IL1RAPL1: variants seen among roughly 807,000 people sequenced by gnomAD.
The protein encoded by IL1RAPL1 is interleukin 1 receptor accessory protein like 1, also known as interleukin-1 receptor accessory protein-like 1.
In IL1RAPL1, 3 loss-of-function variants were observed where a neutral mutation model predicts 48.4. The observed-to-expected ratio is 0.06, with a 90% CI of 0.03 to 0.16. IL1RAPL1 has a LOEUF of 0.16. Ranked by LOEUF, IL1RAPL1 falls within the 10% of genes least tolerant of loss-of-function variation. The pLI, the probability that IL1RAPL1 is intolerant of heterozygous loss-of-function variation, is 1.00. For missense variants in IL1RAPL1, 349 were observed against 530.6 expected (o/e 0.66, Z 3.36); for synonymous variants, 185 against 187.7 (o/e 0.99, Z 0.12).
chrX:28,658,790 TTTA>T (rs1242435351), intron 1 of IL1RAPL1, among the ~76,000 whole-genome samples: 1 of 111,364 alleles, frequency 9.0e-6, no homozygotes, highest in East Asian at 2.8e-4. Context: ...TTATAATTAT[TTTA>T]AAGTTGAACC....
At chrX:29,630,581 C>T (rs912311958) in intron 5 of IL1RAPL1, among the ~76,000 whole-genome samples, 1 of 108,244 alleles carries the variant, frequency 9.2e-6, no homozygotes, top group Non-Finnish European at 1.9e-5. Flanking sequence ...CTGTGTCACC[C>T]AGGCTGGAGT....
chrX:29,183,661 C>T (rs1328982644), intron 2 of IL1RAPL1, among the ~76,000 whole-genome samples: 1 of 112,133 alleles, frequency 8.9e-6, no homozygotes, highest in African/African-American at 3.2e-5. Context: ...GCCCTCCTCT[C>T]TCCTCTTCAC....
At chrX:28,589,699 A>T (rs1337938969) in intron 1 of IL1RAPL1, among the ~76,000 whole-genome samples, 1 of 111,272 alleles carries the variant, frequency 9.0e-6, no homozygotes, top group Non-Finnish European at 1.9e-5. Flanking sequence ...CCTTTCTTGC[A>T]TTTTTCCTGG....
intron 5 of IL1RAPL1, among the ~76,000 whole-genome samples, chrX:29,515,083 A>G (rs555978432): frequency 8.9e-6 from 1 of 112,189 alleles, no homozygotes; most frequent in Non-Finnish European, 1.9e-5. Flanking sequence ...TTCTCAGTCA[A>G]TTTTTCCTGG....
chrX:29,548,113 G>A (rs917087725), intron 5 of IL1RAPL1, among the ~76,000 whole-genome samples: 4 of 112,686 alleles, frequency 3.5e-5, no homozygotes, highest in African/African-American at 1.3e-4. Context: ...GTTAATTAGT[G>A]TTGCAAGTCT....
chrX:28,632,033 A>G (rs1162505943), intron 1 of IL1RAPL1, among the ~76,000 whole-genome samples: 1 of 112,633 alleles, frequency 8.9e-6, no homozygotes, highest in Non-Finnish European at 1.9e-5. Flanking sequence ...ACTTATAGAA[A>G]AATGCCAGGC....
chrX:28,806,190 G>A (rs1035706445), intron 2 of IL1RAPL1, among the ~76,000 whole-genome samples: 1 of 111,888 alleles, frequency 8.9e-6, no homozygotes, highest in Non-Finnish European at 1.9e-5. Context: ...TCTCTGAAAA[G>A]GAGGAATTAA....
intron 2 of IL1RAPL1, among the ~76,000 whole-genome samples, chrX:29,178,495 G>A (rs1284783521): frequency 9.0e-6 from 1 of 111,501 alleles, no homozygotes; most frequent in African/African-American, 3.3e-5. Flanking sequence ...CTAGATATTA[G>A]CCCTTTGTCA....
At chrX:28,803,618 A>G (rs1390003335) in intron 2 of IL1RAPL1, among the ~76,000 whole-genome samples, 1 of 112,140 alleles carries the variant, frequency 8.9e-6, no homozygotes, top group African/African-American at 3.2e-5. Flanking sequence ...AAATATTAGC[A>G]TGCTACCAAT....
intron 3 of IL1RAPL1, among the ~76,000 whole-genome samples, chrX:29,367,461 AAAAC>A (rs1374514017): frequency 8.9e-6 from 1 of 112,121 alleles, no homozygotes; most frequent in Non-Finnish European, 1.9e-5. Flanking sequence ...TGAAGAATGA[AAAAC>A]AAAGTGTCTA....
intron 1 of IL1RAPL1, among the ~76,000 whole-genome samples, chrX:28,740,035 A>G (rs1165233781): frequency 3.6e-5 from 4 of 111,280 alleles, no homozygotes; most frequent in Non-Finnish European, 5.7e-5. Flanking sequence ...TTGGTGCTCA[A>G]TAATGTTTGG....
chrX:29,143,495 A>T (rs1314246291), intron 2 of IL1RAPL1, among the ~76,000 whole-genome samples: 1 of 111,709 alleles, frequency 9.0e-6, no homozygotes, highest in African/African-American at 3.3e-5. Flanking sequence ...ACGGTGCACG[A>T]TTCTGAGTAG....
intron 2 of IL1RAPL1, among the ~76,000 whole-genome samples, chrX:29,042,508 C>T (rs1926869291): frequency 9.0e-6 from 1 of 111,705 alleles, no homozygotes; most frequent in Non-Finnish European, 1.9e-5. Context: ...TCATATATAA[C>T]ATATGAATAG....
chrX:29,927,219 C>T (rs369526637), intron 8 of IL1RAPL1, among the ~76,000 whole-genome samples: 5 of 111,851 alleles, frequency 4.5e-5, no homozygotes, highest in African/African-American at 6.5e-5. Flanking sequence ...GTCTGTGGAC[C>T]GCAGCTGGCA....
rs910701699 is a variant in IL1RAPL1, at chrX:29,292,119, T to C, written c.362+8902T>C. 4.5e-5 allele frequency among the ~76,000 whole-genome samples: 5 copies of C among 112,198 alleles called. No homozygotes were observed. The South Asian group carries it at 1.9e-3, about 42-fold the overall frequency. ...TGTTTGTCAATGAGAAAGCACTCAA[T>C]ACATATTTATTGAACAAAATAATGA... On this transcript the variant is annotated intron_variant, in intron 3 of 10. Transcript: ENST00000378993.
chrX:29,945,415 C>T (rs1266136100), intron 9 of IL1RAPL1, among the ~76,000 whole-genome samples: 2 of 112,449 alleles, frequency 1.8e-5, no homozygotes, highest in Non-Finnish European at 3.8e-5. Context: ...GTATTGCCTT[C>T]TTTATTCATG....
intron 6 of IL1RAPL1, among the ~76,000 whole-genome samples, chrX:29,722,259 A>G (rs1026492781): frequency 4.1e-4 from 46 of 112,170 alleles, no homozygotes; most frequent in African/African-American, 1.4e-3. Context: ...TAGCACTGCA[A>G]TACAAATGGT....
chrX:28,703,226 C>A (rs926655874), intron 1 of IL1RAPL1, among the ~76,000 whole-genome samples: 1 of 111,533 alleles, frequency 9.0e-6, no homozygotes, highest in Admixed American at 9.5e-5. Context: ...CCAGTTTCCT[C>A]AGTAGGCTTA....
intron 2 of IL1RAPL1, among the ~76,000 whole-genome samples, chrX:28,921,908 A>G (rs1206278364): frequency 8.9e-6 from 1 of 111,939 alleles, no homozygotes; most frequent in Non-Finnish European, 1.9e-5. Context: ...TTCCCAAAGT[A>G]AGAAGCTTGG....
Sources: allele counts gnomAD v4.1 joint callset (sites outside exome capture counted in the v4.1 genomes callset), GRCh38; gene constraint gnomAD v4.1.1; transcripts MANE v1.5; gene names NCBI Gene and HGNC (gene_info 2026-07-23, HGNC 2026-07-21).